USH2A: variants seen among roughly 807,000 people sequenced by gnomAD.
USH2A encodes the protein usherin, also known as Usher syndrome 2A (autosomal recessive, mild).
USH2A carries 443 observed loss-of-function variants against 538.9 expected under a neutral mutation model. The observed-to-expected ratio is 0.82, with a 90% CI of 0.76 to 0.89. The LOEUF (loss-of-function observed/expected upper bound fraction) is 0.89, where lower values mean the gene tolerates loss of function less well. Among genes scored for constraint, USH2A ranks in the 40% least tolerant of loss-of-function variants. The pLI is 0.00. For missense variants in USH2A, 6,633 were observed against 6,324.8 expected (o/e 1.05, Z -1.65); for synonymous variants, 2,413 against 2,273.5 (o/e 1.06, Z -1.75).
At chr1:216,255,116 C>T (rs2036235714) in intron 11 of USH2A, among the ~76,000 whole-genome samples, 1 of 152,188 alleles carries the variant, frequency 6.6e-6, no homozygotes, top group African/African-American at 2.4e-5. Flanking sequence ...TGGAGATTCT[C>T]CTGCTCTTTA....
intron 38 of USH2A, among the ~76,000 whole-genome samples, chr1:215,933,978 T>C (rs1461310028): frequency 1.3e-5 from 2 of 151,980 alleles, no homozygotes; most frequent in Non-Finnish European, 2.9e-5. Context: ...TGAAGGCACA[T>C]CAAAATAATG....
chr1:216,046,697 A>G (rs1305352357), intron 31 of USH2A, 105 bp from the exon 32 acceptor site: 3 of 1,351,604 alleles, frequency 2.2e-6, no homozygotes, highest in East Asian at 2.4e-5. Flanking sequence ...AATCCCATGC[A>G]TGGAAATATT....
intron 49 of USH2A, among the ~76,000 whole-genome samples, chr1:215,810,888 AT>A (rs1177591252): frequency 6.6e-6 from 1 of 152,172 alleles, no homozygotes; most frequent in African/African-American, 2.4e-5. Context: ...ATTTTGAAAT[AT>A]TTTTGATAGA....
intron 30 of USH2A, among the ~76,000 whole-genome samples, chr1:216,049,240 G>T (rs1009543152): frequency 1.1e-4 from 17 of 152,226 alleles, no homozygotes; most frequent in South Asian, 8.3e-4. Context: ...TTATGCTTTT[G>T]TACTTCTACT....
chr1:215,681,592 T>C (rs1178326427), intron 61 of USH2A, among the ~76,000 whole-genome samples: 10 of 152,200 alleles, frequency 6.6e-5, no homozygotes, highest in Admixed American at 4.6e-4. Flanking sequence ...GAAAAAATTA[T>C]GTGTGGGGGC....
At chr1:215,977,425 G>A (rs1667646823) in intron 35 of USH2A, among the ~76,000 whole-genome samples, 1 of 151,974 alleles carries the variant, frequency 6.6e-6, no homozygotes, top group South Asian at 2.1e-4. Context: ...GAGTAGCTCT[G>A]GGGAAAGTAA....
At chr1:216,333,621 A>G (rs755891779) in intron 4 of USH2A, among the ~76,000 whole-genome samples, 2 of 152,056 alleles carry the variant, frequency 1.3e-5, no homozygotes, top group Non-Finnish European at 2.9e-5. Context: ...ATGAACTGCA[A>G]GTGGGATAAA....
chr1:216,257,028 T>C (rs567215700), intron 11 of USH2A, among the ~76,000 whole-genome samples: 1 of 152,050 alleles, frequency 6.6e-6, no homozygotes, highest in East Asian at 1.9e-4. Flanking sequence ...TTTACTATAT[T>C]ATTATTATTT....
At chr1:216,030,931 A>T (rs1017967655) in intron 32 of USH2A, among the ~76,000 whole-genome samples, 1 of 150,660 alleles carries the variant, frequency 6.6e-6, no homozygotes, top group African/African-American at 2.4e-5. Flanking sequence ...AAAAAACAAT[A>T]AAAAAAAACT....
At chr1:215,646,613 G>A (rs1471653805) in intron 67 of USH2A, among the ~76,000 whole-genome samples, 2 of 151,934 alleles carry the variant, frequency 1.3e-5, no homozygotes, top group African/African-American at 4.8e-5. Flanking sequence ...TACAACCTCT[G>A]CCTCCTGGGT....
At chr1:216,349,501 A>C (rs746843526) in intron 4 of USH2A, among the ~76,000 whole-genome samples, 7 of 152,142 alleles carry the variant, frequency 4.6e-5, no homozygotes, top group Non-Finnish European at 7.4e-5. Context: ...TTGCTGATAA[A>C]ACAGATTGCA....
intron 21 of USH2A, among the ~76,000 whole-genome samples, chr1:216,140,501 C>T (rs1259180389): frequency 6.6e-6 from 1 of 152,132 alleles, no homozygotes; most frequent in Non-Finnish European, 1.5e-5. Context: ...GTGGCTGGCC[C>T]TATGAGTGCA....
chr1:216,033,611 TA>T (rs1378684057), intron 32 of USH2A, among the ~76,000 whole-genome samples: 2 of 152,142 alleles, frequency 1.3e-5, no homozygotes, highest in African/African-American at 4.8e-5. Flanking sequence ...GTTTGGATTT[TA>T]AGACTGGATG....
chr1:215,812,512 C>T (rs1416158735), intron 49 of USH2A, among the ~76,000 whole-genome samples: 2 of 152,152 alleles, frequency 1.3e-5, no homozygotes, highest in Non-Finnish European at 2.9e-5. Flanking sequence ...TGTCTCATTT[C>T]ACATGCCTTG....
At chr1:216,080,356 C>T (rs990381487) in intron 26 of USH2A, among the ~76,000 whole-genome samples, 7 of 151,486 alleles carry the variant, frequency 4.6e-5, no homozygotes, top group Non-Finnish European at 7.4e-5. Context: ...TTTGGAAAAT[C>T]AGTAGGGAAG....
intron 21 of USH2A, among the ~76,000 whole-genome samples, chr1:216,173,370 G>A (rs2034309178): frequency 6.6e-6 from 1 of 152,118 alleles, no homozygotes; most frequent in South Asian, 2.1e-4. Flanking sequence ...AAGGGCATCA[G>A]CAATGTCCCA....
intron 32 of USH2A, among the ~76,000 whole-genome samples, chr1:216,010,873 A>AT (rs1026650437): frequency 6.0e-5 from 9 of 149,094 alleles, no homozygotes; most frequent in African/African-American, 2.0e-4. Context: ...CTCCTCTTGT[A>AT]TCCCCCGACC....
At chr1:215,716,669 C>A (rs1172485772) in intron 61 of USH2A, among the ~76,000 whole-genome samples, 1 of 152,036 alleles carries the variant, frequency 6.6e-6, no homozygotes, top group Non-Finnish European at 1.5e-5. Flanking sequence ...GACAACCCAC[C>A]CTTTTGAATG....
At chr1:215,986,006 C>T (rs1667864939) in intron 35 of USH2A, among the ~76,000 whole-genome samples, 1 of 152,124 alleles carries the variant, frequency 6.6e-6, no homozygotes, top group South Asian at 2.1e-4. Flanking sequence ...CAAAGATGGG[C>T]CAATATGAAA....
Sources: allele counts gnomAD v4.1 joint callset (sites outside exome capture counted in the v4.1 genomes callset), GRCh38; gene constraint gnomAD v4.1.1; transcripts MANE v1.5; gene names NCBI Gene and HGNC (gene_info 2026-07-23, HGNC 2026-07-21).